FLT1: variants seen among roughly 807,000 people sequenced by gnomAD.
FLT1 encodes the protein vascular endothelial growth factor receptor 1.
FLT1 carries 49 observed loss-of-function variants against 156.3 expected under a neutral mutation model. The observed-to-expected ratio is 0.31, with a 90% CI of 0.25 to 0.40. The LOEUF is 0.40. Ranked by LOEUF, FLT1 falls within the 10% of genes least tolerant of loss-of-function variation. FLT1 has a pLI of 1.00. For synonymous variants in FLT1, 594 were observed against 583.8 expected, an observed-to-expected ratio of 1.02 and a Z score of -0.25; for missense variants, 1,322 against 1,637.2, an observed-to-expected ratio of 0.81 and a Z score of 3.32.
chr13:28,423,388 A>G (rs1465990934), intron 10 of FLT1, among the ~76,000 whole-genome samples: 1 of 152,134 alleles, frequency 6.6e-6, no homozygotes, highest in Non-Finnish European at 1.5e-5. Flanking sequence ...CCTGAATTCC[A>G]CAGCCACCCT....
Position 28,447,625 on chromosome 13 carries a change from T to C in FLT1, c.389-9280A>G, listed in dbSNP as rs934587982. 5.7e-4 allele frequency among the ~76,000 whole-genome samples: 87 copies of C among 152,212 alleles called. 1 individual carries two copies. Among genetic ancestry groups the C allele is most frequent in the Admixed American group, 4.9e-3 (75 of 15,296 alleles). Reference sequence around the variant, plus strand: ...ACTTTATTAAAATTTGAAACTTGCATGCTTCAAAGAACACTGTGTAGAAAG... The same window carrying C: ...ACTTTATTAAAATTTGAAACTTGCACGCTTCAAAGAACACTGTGTAGAAAG... On this transcript the variant is annotated intron_variant, in intron 3 of 29. Transcript: ENST00000282397.
chr13:28,396,729 G>A, intron 12 of FLT1: 1 of 643,114 alleles, frequency 1.6e-6, no homozygotes, highest in Non-Finnish European at 2.8e-6. Flanking sequence ...ATCCAGTCTG[G>A]GAGGGAGACA....
chr13:28,317,720 G>A (rs1451710480), intron 24 of FLT1, 123 bp from the exon 25 acceptor site: 7 of 718,952 alleles, frequency 9.7e-6, no homozygotes, highest in Non-Finnish European at 1.8e-5. Flanking sequence ...AAATTCCCAG[G>A]GATTACAACA....
At chr13:28,438,873 C>T (rs758744387) in intron 3 of FLT1, among the ~76,000 whole-genome samples, 3 of 152,176 alleles carry the variant, frequency 2.0e-5, no homozygotes, top group Non-Finnish European at 4.4e-5. Context: ...GACTTTTCCT[C>T]GGAGGCTAAT....
At chr13:28,314,214 C>T (rs945309915) in intron 25 of FLT1, among the ~76,000 whole-genome samples, 1 of 152,170 alleles carries the variant, frequency 6.6e-6, no homozygotes, top group African/African-American at 2.4e-5. Context: ...CAGGATCAAG[C>T]TGCTGTCTGG....
chr13:28,384,875 AG>A lies in FLT1; in HGVS notation c.2116+9del. 1.9e-6 allele frequency: 3 copies of A among 1,613,642 alleles called. No homozygotes were observed. The highest frequency in any genetic ancestry group is 2.5e-6 in the Non-Finnish European group (3 of 1,179,576). On this transcript the variant is annotated intron_variant, in intron 14 of 29. Coordinates refer to ENST00000282397, the MANE Select transcript of FLT1 (RefSeq NM_002019.4). The stretch of plus-strand genomic sequence containing the variant: ...AGAAATAATAAATGGAAGAAAAAAA[AG>A]TCTCTTACCAGGCTCTTGTTGTATT...
intron 19 of FLT1, chr13:28,328,383 GCGT>G: frequency 6.6e-6 from 1 of 152,396 alleles, no homozygotes; most frequent in East Asian, 1.9e-4. Context: ...CTCCTGCCCT[GCGT>G]TTCCACTGCA....
intron 1 of FLT1, among the ~76,000 whole-genome samples, chr13:28,481,904 A>G (rs764579392): frequency 3.9e-5 from 6 of 152,256 alleles, no homozygotes; most frequent in Non-Finnish European, 7.3e-5. Context: ...ACACTTATTC[A>G]ATGATAAACA....
intron 11 of FLT1, among the ~76,000 whole-genome samples, chr13:28,401,531 C>T (rs1407313926): frequency 6.6e-6 from 1 of 152,204 alleles, no homozygotes; most frequent in African/African-American, 2.4e-5. Context: ...GCTGATGTGT[C>T]ATTCAGCCTA....
At chr13:28,486,156 C>G (rs1345340641) in intron 1 of FLT1, among the ~76,000 whole-genome samples, 2 of 152,198 alleles carry the variant, frequency 1.3e-5, no homozygotes, top group African/African-American at 4.8e-5. Context: ...GGAGCTCACG[C>G]AATATTAAGA....
chr13:28,486,251 A>C (rs1463409965), intron 1 of FLT1, among the ~76,000 whole-genome samples: 1 of 152,252 alleles, frequency 6.6e-6, no homozygotes, highest in Non-Finnish European at 1.5e-5. Context: ...AAGTGTTCCC[A>C]GGACCGTGGT....
At chr13:28,370,034 C>T (rs1010576961) in intron 14 of FLT1, among the ~76,000 whole-genome samples, 2 of 151,786 alleles carry the variant, frequency 1.3e-5, no homozygotes, top group African/African-American at 4.8e-5. Context: ...ACTACTGTCT[C>T]TATAAAAAAT....
intron 12 of FLT1, among the ~76,000 whole-genome samples, chr13:28,393,738 C>A (rs1193113932): frequency 6.6e-6 from 1 of 152,142 alleles, no homozygotes; most frequent in Non-Finnish European, 1.5e-5. Flanking sequence ...AGGCACGTGC[C>A]AGCAGGCCTA....
At chr13:28,396,715 C>A (rs1454101084) in intron 12 of FLT1, 1 of 613,956 alleles carries the variant, frequency 1.6e-6, no homozygotes, top group Non-Finnish European at 3.0e-6. Flanking sequence ...ATTCCCAATT[C>A]ATAATCCAGT....
chr13:28,427,736 T>A lies in FLT1; in HGVS notation c.1276+16A>T, dbSNP rs1449230243. On this transcript the variant is annotated intron_variant, in intron 9 of 29. Transcript: ENST00000282397. ...TGCCTACCAGAACCAGAAGAAAGTA[T>A]GAACAGCAAACTTACCATTGACAAT... 2 of 1,611,556 alleles carry A rather than the reference T, an allele frequency of 1.2e-6. No homozygotes were observed. Among genetic ancestry groups the A allele is most frequent in the Non-Finnish European group, 1.7e-6 (2 of 1,177,818 alleles).
rs1200605741 is a variant in FLT1, at chr13:28,402,550, CA to C, written c.1551+3229del. On this transcript the variant is annotated intron_variant, in intron 11 of 29. Coordinates refer to ENST00000282397, the MANE Select transcript of FLT1 (RefSeq NM_002019.4). ...TTACAACTGCTAATGGGATATGTAC[CA>C]TATATATAGATATAAAATATATCTA... is the stretch of plus-strand genomic sequence containing the variant. 1.1e-4 allele frequency among the ~76,000 whole-genome samples: 16 copies of C among 151,564 alleles called. 1 individual carries two copies. In the East Asian group the frequency reaches 2.9e-3, roughly 28 times the overall value.
chr13:28,315,472 C>T (rs917213906), intron 25 of FLT1, among the ~76,000 whole-genome samples: 1 of 152,190 alleles, frequency 6.6e-6, no homozygotes, highest in Non-Finnish European at 1.5e-5. Flanking sequence ...AAAAGAATGA[C>T]TTGAACTCAG....
chr13:28,487,293 C>A (rs1002066307), intron 1 of FLT1, among the ~76,000 whole-genome samples: 2 of 152,248 alleles, frequency 1.3e-5, no homozygotes, highest in Non-Finnish European at 2.9e-5. Context: ...ACTTGGCAGA[C>A]TAATTCCTAA....
At chr13:28,359,064 T>C (rs1873014084) in intron 14 of FLT1, among the ~76,000 whole-genome samples, 1 of 152,218 alleles carries the variant, frequency 6.6e-6, no homozygotes, top group Non-Finnish European at 1.5e-5. Context: ...AAATAGTTTG[T>C]ATTTCTCTTA....
Sources: allele counts gnomAD v4.1 joint callset (sites outside exome capture counted in the v4.1 genomes callset), GRCh38; gene constraint gnomAD v4.1.1; transcripts MANE v1.5; gene names NCBI Gene and HGNC (gene_info 2026-07-23, HGNC 2026-07-21).